ABLIM2: variants seen among roughly 807,000 people sequenced by gnomAD.
ABLIM2 encodes actin-binding LIM protein 2.
A neutral mutation model predicts 97.7 loss-of-function variants in ABLIM2; 53 were observed. That is an observed-to-expected ratio of 0.54 (90% CI 0.44 to 0.68). The LOEUF is 0.68. ABLIM2 is among the 30% of genes least tolerant of loss of function. ABLIM2 has a pLI of 0.00. For missense variants in ABLIM2, 835 were observed against 867.2 expected (o/e 0.96, Z 0.47); for synonymous variants, 361 against 345.8 (o/e 1.04, Z -0.49).
At chr4:8,007,500 A>G in intron 16 of ABLIM2, 1 of 985,556 alleles carries the variant, frequency 1.0e-6, no homozygotes, top group Non-Finnish European at 1.2e-6. Flanking sequence ...CAGCGGCCGG[A>G]AGCAAACAGC....
At chr4:8,018,989 G>T (rs6827324) in intron 14 of ABLIM2, among the ~76,000 whole-genome samples, 66,579 of 151,944 alleles carry the variant, frequency 0.44, 14,970 homozygotes, top group Non-Finnish European at 0.5. Context: ...AGAAATCCCA[G>T]GAGGAAAGAG....
At chr4:8,117,431 CCAGACTCCACCCACTG>C (rs906465005) in intron 1 of ABLIM2, among the ~76,000 whole-genome samples, 5 of 151,888 alleles carry the variant, frequency 3.3e-5, no homozygotes, top group African/African-American at 1.2e-4. Context: ...GCTCCACTCA[CCAGACTCCACCCACTG>C]CAGACTCCAC....
At chr4:8,084,676 G>A (rs1020802982) in intron 4 of ABLIM2, among the ~76,000 whole-genome samples, 1 of 152,222 alleles carries the variant, frequency 6.6e-6, no homozygotes, top group African/African-American at 2.4e-5. Context: ...GGGGCGGCCA[G>A]GCCCAAGAAG....
At chr4:8,135,876 G>T (rs1370980948) in intron 1 of ABLIM2, among the ~76,000 whole-genome samples, 1 of 152,232 alleles carries the variant, frequency 6.6e-6, no homozygotes, top group African/African-American at 2.4e-5. Context: ...AGCCAACGTG[G>T]TGAAGAATGA....
chr4:8,078,237 G>A (rs1429695261), intron 5 of ABLIM2, among the ~76,000 whole-genome samples: 4 of 152,248 alleles, frequency 2.6e-5, no homozygotes, highest in Non-Finnish European at 5.9e-5. Flanking sequence ...CCCCGAATAT[G>A]AGGGGTGACA....
chr4:8,103,024 C>T (rs1197849177), intron 2 of ABLIM2, among the ~76,000 whole-genome samples: 5 of 152,190 alleles, frequency 3.3e-5, no homozygotes, highest in East Asian at 1.9e-4. Context: ...GCGGTGAGAA[C>T]GTGATGTTGG....
chr4:8,051,562 CAAAAAAAAA>C, intron 8 of ABLIM2, among the ~76,000 whole-genome samples: 1 of 107,924 alleles, frequency 9.3e-6, no homozygotes, highest in Non-Finnish European at 1.8e-5. Flanking sequence ...GATTCCATCT[CAAAAAAAAA>C]AAAAAAAAGA....
chr4:7,998,780 G>A lies in ABLIM2; in HGVS notation c.1619-5853C>T, dbSNP rs1368593090. The A allele has an allele frequency of 1.1e-5, 5 of 452,324 alleles. No individual in the cohort carries two copies. The highest frequency in any genetic ancestry group is 2.2e-5 in the Non-Finnish European group (5 of 224,182). 28.0% of individuals were successfully genotyped at this position (452,324 alleles called of 1,614,324 possible). A position where few individuals can be genotyped will look rare whatever the true frequency, so the allele number is the denominator to read the frequency against. On this transcript the variant is annotated intron_variant, in intron 16 of 20. Coordinates refer to ENST00000447017, the MANE Select transcript of ABLIM2 (RefSeq NM_001130083.2). This position sits in a 1 kb window ranked among gnomAD's most constrained non-coding sequence, Gnocchi z 6.4. ...CTGCTGCTGGGTGGGGGTGGGAGTGGGCAGGCAGGGCTGCTGTCCCTTGAG... is the reference window on the plus strand; with the variant it reads ...CTGCTGCTGGGTGGGGGTGGGAGTGAGCAGGCAGGGCTGCTGTCCCTTGAG...
rs1742486966 is a variant in ABLIM2 at position 7,984,949 on chromosome 4, A to G, written c.1681-56T>C. ...AGACAGGCGGCACGAGGGTGTGTGGATGGGCAGGGACCAGGAGATGTGGCC... is the reference window on the plus strand; with the variant it reads ...AGACAGGCGGCACGAGGGTGTGTGGGTGGGCAGGGACCAGGAGATGTGGCC... On this transcript the variant is annotated intron_variant, in intron 17 of 20. Transcript: ENST00000447017. 5.7e-6 allele frequency: 9 copies of G among 1,568,608 alleles called. No homozygotes were observed. The South Asian group carries it at 7.0e-5, about 12-fold the overall frequency.
Position 8,054,095 on chromosome 4 carries a change from G to C in ABLIM2, c.822+93C>G. On this transcript the variant is annotated intron_variant, in intron 8 of 20. Coordinates refer to ENST00000447017, the MANE Select transcript of ABLIM2 (RefSeq NM_001130083.2). This position sits in a 1 kb window ranked among gnomAD's most constrained non-coding sequence, Gnocchi z 4.9. ...TGCAGCCCGTGGGACTGGACAATGA[G>C]CCTGTAGAATCTGGTCAGTGTCCTC... is the stretch of plus-strand genomic sequence containing the variant. 1 of 1,432,316 alleles carries C rather than the reference G, an allele frequency of 7.0e-7. No individual in the cohort carries two copies. Among genetic ancestry groups the C allele is most frequent in the Non-Finnish European group, 9.8e-7 (1 of 1,017,856 alleles). 88.7% of individuals were successfully genotyped at this position (1,432,316 alleles called of 1,614,324 possible). A position where few individuals can be genotyped will look rare whatever the true frequency, so the allele number is the denominator to read the frequency against.
Position 8,019,686 on chromosome 4 carries a change from A to G in ABLIM2, c.1370-15T>C. On this transcript the variant is annotated splice_polypyrimidine_tract_variant and intron_variant, in intron 13 of 20. Coordinates refer to ENST00000447017, the MANE Select transcript of ABLIM2 (RefSeq NM_001130083.2). The surrounding 1 kb of genome is among the most constrained non-coding windows in gnomAD (Gnocchi z 4.3). ...TACGCCAGTGTCTGGGGAAGAAGAA[A>G]GAAAAAAAAGGAGAGAACAGGAGGG... 6.2e-7 allele frequency: 1 copy of G among 1,609,054 alleles called. No homozygotes were observed. The highest frequency in any genetic ancestry group is 8.5e-7 in the Non-Finnish European group (1 of 1,176,488).
At chr4:8,105,884 A>C (rs908790634) in intron 2 of ABLIM2, among the ~76,000 whole-genome samples, 5 of 151,714 alleles carry the variant, frequency 3.3e-5, no homozygotes, top group Non-Finnish European at 7.4e-5. Flanking sequence ...CTGGAGGGAG[A>C]CTCGGCACAG....
Position 8,019,491 on chromosome 4 carries a change from CT to C in ABLIM2, c.1423+126del. The C allele has an allele frequency of 1.2e-6, 1 of 836,842 alleles. No individual in the cohort carries two copies. The highest frequency in any genetic ancestry group is 2.8e-5 in the East Asian group (1 of 35,636). The allele number at this position is 836,842 out of a possible 1,614,324, so 51.8% of individuals were successfully genotyped here. ...AGTGAATTTGCATTTAATAGTCAGA[CT>C]GCTAAGGGCCTTGGTGGTGCCTTCA... On this transcript the variant is annotated intron_variant, in intron 14 of 20. Transcript: ENST00000447017. The surrounding 1 kb of genome is among the most constrained non-coding windows in gnomAD (Gnocchi z 4.3).
rs1276912503 is a variant in ABLIM2 at position 8,140,910 on chromosome 4, G to C, written c.10+17770C>G. Among the ~76,000 whole-genome samples the C allele has an allele frequency of 6.6e-6, 1 of 152,168 alleles. No homozygotes were observed. The highest frequency in any genetic ancestry group is 1.5e-5 in the Non-Finnish European group (1 of 68,038). ...AGAGGAGGCCTGGGTGGTGTGAACG[G>C]TGTTTTTCTAGAACTCCTTACTCAT... On this transcript the variant is annotated intron_variant, in intron 1 of 20. Transcript: ENST00000447017. This position sits in a 1 kb window ranked among gnomAD's most constrained non-coding sequence, Gnocchi z 5.9.
chr4:8,103,137 G>T (rs1408476019), intron 2 of ABLIM2, among the ~76,000 whole-genome samples: 1 of 152,220 alleles, frequency 6.6e-6, no homozygotes, highest in Non-Finnish European at 1.5e-5. Context: ...ACCCTGGTGA[G>T]TTGTTTAATT....
chr4:8,054,101 A>G lies in ABLIM2; in HGVS notation c.822+87T>C. The G allele has an allele frequency of 6.8e-7, 1 of 1,471,396 alleles. No homozygotes were observed. The highest frequency in any genetic ancestry group is 9.5e-7 in the Non-Finnish European group (1 of 1,052,348). 91.1% of individuals were successfully genotyped at this position (1,471,396 alleles called of 1,614,324 possible). A position where few individuals can be genotyped will look rare whatever the true frequency, so the allele number is the denominator to read the frequency against. On this transcript the variant is annotated intron_variant, in intron 8 of 20. Transcript: ENST00000447017. The surrounding 1 kb of genome is among the most constrained non-coding windows in gnomAD (Gnocchi z 4.9). ...CCGTGGGACTGGACAATGAGCCTGT[A>G]GAATCTGGTCAGTGTCCTCTTAACT... is the stretch of plus-strand genomic sequence containing the variant.
rs908023748 is a variant in ABLIM2 at position 8,088,188 on chromosome 4, G to A, written c.435C>T (p.His145=). The change falls in exon 4 of 21, where the codon CAC becomes CAT. Residue 145 remains histidine (H), a synonymous_variant. Coordinates refer to ENST00000447017, the MANE Select transcript of ABLIM2 (RefSeq NM_001130083.2). The part of the protein sequence containing the change: ...SLPVSVGSSA[H]LSQGLRSCGG... ...ACTTACTTCGGAGGCCCTGGGACAG[G>A]TGCGCGCTGCTGCCCACCGATACGG... 3.7e-6 allele frequency: 6 copies of A among 1,610,084 alleles called. No individual in the cohort carries two copies. The highest frequency in any genetic ancestry group is 2.7e-5 in the African/African-American group (2 of 73,788).
intron 14 of ABLIM2, among the ~76,000 whole-genome samples, chr4:8,014,864 C>CCCTCCCTCTCTCCTTCCGG (rs1307612058): frequency 2.0e-5 from 3 of 151,992 alleles, no homozygotes; most frequent in South Asian, 4.2e-4. Flanking sequence ...GCCTTTGCCT[C>CCCTCCCTCTCTCCTTCCGG]CCTCCCTCTC....
chr4:8,106,397 G>A, intron 2 of ABLIM2, 97 bp downstream of exon 2: 1 of 1,501,428 alleles, frequency 6.7e-7, no homozygotes, highest in Non-Finnish European at 9.0e-7. Context: ...AGTATCCCAG[G>A]CCCAGGCAGA....
Sources: gnomAD v4.1 joint callset for allele counts (sites outside exome capture counted in the v4.1 genomes callset) on GRCh38, gnomAD v4.1.1 for gene constraint, Gnocchi (gnomAD v3.1) non-coding constraint, MANE v1.5 for transcripts, NCBI Gene and HGNC (gene_info 2026-07-23, HGNC 2026-07-21) for gene names.